Variants in PKN3 observed in about 807,000 individuals in gnomAD.
The protein encoded by PKN3 is serine/threonine-protein kinase N3.
Under a neutral mutation model 113.1 loss-of-function variants are expected in PKN3, and 91 were observed. That is an observed-to-expected ratio of 0.80 (90% confidence interval 0.68 to 0.96). The LOEUF is 0.96. Ranked by LOEUF, PKN3 falls within the 40% of genes least tolerant of loss-of-function variation. The pLI is 0.00. For synonymous variants in PKN3, 467 were observed against 499.0 expected (o/e 0.94, Z 0.85); for missense variants, 1,052 against 1,202.2 (o/e 0.88, Z 1.85).
At chr9:128,719,383 G>T (rs866332781) in intron 18 of PKN3, among the ~76,000 whole-genome samples, 36 of 151,552 alleles carry the variant, frequency 2.4e-4, no homozygotes, top group African/African-American at 8.2e-4. Flanking sequence ...TAGAGACGGG[G>T]TTTCACCATG....
Position 128,715,776 on chromosome 9 carries a change from G to A in PKN3, c.1808+316G>A, listed in dbSNP as rs1243944548. The stretch of plus-strand genomic sequence containing the variant: ...TGCATGTAACCCCAGCACTTTGGGA[G>A]GCCAAGGCAGGCGGATCACTTGAGT... On this transcript the variant is annotated intron_variant, in intron 15 of 21. Coordinates refer to ENST00000291906, the MANE Select transcript of PKN3 (RefSeq NM_013355.5). This position sits in a 1 kb window ranked among gnomAD's most constrained non-coding sequence, Gnocchi z 4.1. 2.0e-5 allele frequency among the ~76,000 whole-genome samples: 3 copies of A among 152,154 alleles called. No individual in the cohort carries two copies. Among genetic ancestry groups the A allele is most frequent in the Non-Finnish European group, 4.4e-5 (3 of 68,036 alleles).
At chr9:128,717,117 C>CTTGTTTTTTTTTTTTTTTTTTTT (rs1862363185) in intron 16 of PKN3, among the ~76,000 whole-genome samples, 194 bp downstream of exon 16, 3 of 24,364 alleles carry the variant, frequency 1.2e-4, no homozygotes, top group South Asian at 2.6e-3. Flanking sequence ...CATTAGGTTT[C>CTTGTTTTTTTTTTTTTTTTTTTT]TTTTTTTTTT....
chr9:128,702,693 C>A lies in PKN3; in HGVS notation c.-223C>A. 1 of 466,804 alleles carries A rather than the reference C, an allele frequency of 2.1e-6. No individual in the cohort carries two copies. The highest frequency in any genetic ancestry group is 3.7e-6 in the Non-Finnish European group (1 of 268,048). 28.9% of individuals were successfully genotyped at this position (466,804 alleles called of 1,614,324 possible). ...CGGAATTTTGGATCCGAGGGAGGCG[C>A]TGGGGCGCGGGACCTCGGGCGTGGG... On this transcript the variant is annotated 5_prime_UTR_variant, in exon 1 of 22. The change creates a new upstream start codon in the 5' untranslated region. Transcript: ENST00000291906.
chr9:128,705,708 C>T lies in PKN3; in HGVS notation c.266-26C>T, dbSNP rs984166060. 1.9e-6 allele frequency: 3 copies of T among 1,581,910 alleles called. No homozygotes were observed. The African/African-American group carries it at 4.0e-5, about 21-fold the overall frequency. ...GGGTCTCGGCTCTGGGTGAGGGACT[C>T]CTGTGCTCGATACCCCCGTGCACAG... On this transcript the variant is annotated intron_variant, in intron 2 of 21. Transcript: ENST00000291906.
chr9:128,709,136 T>C (rs1161764145), intron 6 of PKN3, among the ~76,000 whole-genome samples: 4 of 151,190 alleles, frequency 2.6e-5, no homozygotes, highest in Non-Finnish European at 5.9e-5. Context: ...ATACAAAAAA[T>C]TAACCGGGCG....
chr9:128,716,872 G>C lies in PKN3; in HGVS notation c.1934G>C (p.Gly645Ala). 6.2e-7 allele frequency: 1 copy of C among 1,614,018 alleles called. No individual in the cohort carries two copies. The highest frequency in any genetic ancestry group is 8.5e-7 in the Non-Finnish European group (1 of 1,180,004). Residue 645 changes from glycine to alanine, a missense_variant, in exon 16 of 22, where the codon GGT becomes GCT. By Grantham distance (60) the Gly-to-Ala change is moderately conservative. This residue lies in a region of PKN3 where 333 missense variants were observed against 442.8 expected (regional missense o/e 0.75). Transcript: ENST00000291906. The part of the protein sequence containing the change: ...ACFVTEFVPG[G>A]DLMMQIHEDV... ...TTTGTGACTGAGTTTGTGCCTGGTG[G>C]TGACCTCATGATGCAGATCCACGAG...
Position 128,705,351 on chromosome 9 carries a change from C to A in PKN3, c.73C>A (p.Arg25=). The change falls in exon 2 of 22, where the codon CGG becomes AGG. Residue 25 remains arginine (R), a synonymous_variant. Coordinates refer to ENST00000291906, the MANE Select transcript of PKN3 (RefSeq NM_013355.5). ...AGAGGATGAGAAGGAGGTGATCCGC[C>A]GGGCCATCCAGAAAGAGCTGAAGAT... ...PPEDEKEVIR[R]AIQKELKIKE... 2 of 1,583,344 alleles carry A rather than the reference C, an allele frequency of 1.3e-6. No individual in the cohort carries two copies. The highest frequency in any genetic ancestry group is 1.8e-5 in the Admixed American group (1 of 54,720).
chr9:128,705,215 T>C lies in PKN3; in HGVS notation c.25-88T>C, dbSNP rs1033147884. ...TCAGTCCTGGGTGCCGTCCCTTCCT[T>C]CGCCTCCATCTGCAGTGAGCAAAGG... On this transcript the variant is annotated intron_variant, in intron 1 of 21. Coordinates refer to ENST00000291906, the MANE Select transcript of PKN3 (RefSeq NM_013355.5). The C allele has an allele frequency of 3.6e-5, 54 of 1,495,864 alleles. No homozygotes were observed. The African/African-American group carries it at 7.4e-4, about 20-fold the overall frequency. 92.7% of individuals were successfully genotyped at this position (1,495,864 alleles called of 1,614,324 possible).
intron 6 of PKN3, among the ~76,000 whole-genome samples, chr9:128,710,376 A>G (rs1469746930): frequency 6.6e-6 from 1 of 151,668 alleles, no homozygotes; most frequent in South Asian, 2.1e-4. Context: ...GCCTGTCTCC[A>G]CAGAGCACTG....
In PKN3 at chr9:128,702,689, G is replaced by A. The variant is rs1249926668; in HGVS notation, c.-227G>A. On this transcript the variant is annotated 5_prime_UTR_variant, in exon 1 of 22. Transcript: ENST00000291906. Reference sequence around the variant, plus strand: ...CCCGCGGAATTTTGGATCCGAGGGAGGCGCTGGGGCGCGGGACCTCGGGCG... The same window carrying A: ...CCCGCGGAATTTTGGATCCGAGGGAAGCGCTGGGGCGCGGGACCTCGGGCG... 1 of 458,270 alleles carries A rather than the reference G, an allele frequency of 2.2e-6. No homozygotes were observed. The highest frequency in any genetic ancestry group is 2.1e-5 in the African/African-American group (1 of 48,228). 28.4% of individuals were successfully genotyped at this position (458,270 alleles called of 1,614,324 possible). A position where few individuals can be genotyped will look rare whatever the true frequency, so the allele number is the denominator to read the frequency against.
At chr9:128,711,472 G>A (rs1190669563) in intron 6 of PKN3, among the ~76,000 whole-genome samples, 4 of 151,376 alleles carry the variant, frequency 2.6e-5, no homozygotes, top group African/African-American at 9.7e-5. Context: ...CACTGCGCCC[G>A]GCTAATTTTT....
Position 128,718,341 on chromosome 9 carries a change from G to A in PKN3, c.2002G>A (p.Val668Ile), listed in dbSNP as rs199899395. 142 of 1,611,600 alleles carry A rather than the reference G, an allele frequency of 8.8e-5. No individual in the cohort carries two copies. Among genetic ancestry groups the A allele is most frequent in the Non-Finnish European group, 1.1e-4 (134 of 1,178,822 alleles). ...EPQARFYVAC[V>I]VLGLQFLHEK... ...CCCCTGCAGCTTCTACGTGGCTTGT[G>A]TTGTCCTGGGGCTGCAGTTCTTACA... Residue 668 changes from valine to isoleucine, a missense_variant, in exon 17 of 22, where the codon GTT becomes ATT. Transcript: ENST00000291906.
intron 1 of PKN3, 31 bp downstream of exon 1, chr9:128,702,970 G>T (rs892490573): frequency 2.2e-6 from 3 of 1,363,328 alleles, no homozygotes; most frequent in Non-Finnish European, 2.9e-6. Context: ...GCGCGGGCCC[G>T]GGGGGTGCGA....
At chr9:128,710,397 G>T (rs1439504142) in intron 6 of PKN3, among the ~76,000 whole-genome samples, 1 of 152,012 alleles carries the variant, frequency 6.6e-6, no homozygotes, top group Non-Finnish European at 1.5e-5. Context: ...CTACAGGGCC[G>T]ACTGACCCCA....
intron 6 of PKN3, among the ~76,000 whole-genome samples, chr9:128,707,799 G>A (rs1457765158): frequency 2.6e-5 from 4 of 152,224 alleles, no homozygotes; most frequent in Non-Finnish European, 5.9e-5. Context: ...TAGGCTGGGC[G>A]TGGTGGCTCA....
intron 15 of PKN3, 132 bp from the exon 16 acceptor site, chr9:128,716,613 ATG>A: frequency 1.0e-5 from 7 of 675,324 alleles, no homozygotes; most frequent in Non-Finnish European, 5.1e-6. Context: ...AAAAAAAAAA[ATG>A]AAAAGAAACC....
At chr9:128,704,645 C>T (rs531215178) in intron 1 of PKN3, among the ~76,000 whole-genome samples, 3 of 152,176 alleles carry the variant, frequency 2.0e-5, no homozygotes, top group African/African-American at 7.2e-5. Context: ...ATAGTACAGG[C>T]GTGGTGGCTC....
Position 128,706,678 on chromosome 9 carries a change from G to A in PKN3, c.412-35G>A, listed in dbSNP as rs757941467. ...TCTGATGGGGGAAGCTGTGGCCCAG[G>A]CCTGGTCTGATGGGCCTGTGCTATG... On this transcript the variant is annotated intron_variant, in intron 3 of 21. Transcript: ENST00000291906. 4.8e-6 allele frequency: 7 copies of A among 1,447,684 alleles called. No homozygotes were observed. The Admixed American group carries it at 1.2e-4, about 25-fold the overall frequency. 89.7% of individuals were successfully genotyped at this position (1,447,684 alleles called of 1,614,324 possible).
intron 9 of PKN3, 95 bp from the exon 10 acceptor site, chr9:128,713,951 C>T (rs1218449574): frequency 7.7e-7 from 1 of 1,301,170 alleles, no homozygotes; most frequent in Non-Finnish European, 1.1e-6. Context: ...TCTGTTGACC[C>T]TGGGGGCTTG....
Sources: gnomAD v4.1 joint callset for allele counts (sites outside exome capture counted in the v4.1 genomes callset) on GRCh38, gnomAD v4.1.1 for gene constraint, gnomAD v4.1.1 regional missense constraint, Gnocchi (gnomAD v3.1) non-coding constraint, MANE v1.5 for transcripts, NCBI Gene and HGNC (gene_info 2026-07-23, HGNC 2026-07-21) for gene names.